Variants in UNC5D observed in about 807,000 individuals in gnomAD.
UNC5D encodes netrin receptor UNC5D.
In UNC5D, 39 loss-of-function variants were observed where a neutral mutation model predicts 105.4. The ratio of observed to expected loss-of-function variants is 0.37; its 90% CI spans 0.29 to 0.48. The LOEUF (loss-of-function observed/expected upper bound fraction) is 0.48. UNC5D is among the 20% of genes least tolerant of loss of function. The pLI, the probability that UNC5D is intolerant of heterozygous loss-of-function variation, is 0.98. For synonymous variants in UNC5D, 452 were observed against 450.4 expected (o/e 1.00, Z -0.04); for missense variants, 991 against 1,202.4 (o/e 0.82, Z 2.60).
At chr8:35,241,748 T>C (rs1177546437) in intron 1 of UNC5D, among the ~76,000 whole-genome samples, 2 of 152,088 alleles carry the variant, frequency 1.3e-5, no homozygotes, top group African/African-American at 4.8e-5. Flanking sequence ...AGTAATAACT[T>C]AATACATTAA....
chr8:35,245,735 G>A (rs1454753837), intron 1 of UNC5D, among the ~76,000 whole-genome samples: 1 of 152,066 alleles, frequency 6.6e-6, no homozygotes, highest in East Asian at 1.9e-4. Context: ...ATTCTGCAGC[G>A]GAGAAGACCA....
At chr8:35,331,327 G>A (rs1233507469) in intron 1 of UNC5D, among the ~76,000 whole-genome samples, 1 of 152,124 alleles carries the variant, frequency 6.6e-6, no homozygotes, top group Admixed American at 6.5e-5. Context: ...AGACCCCTGA[G>A]CACTGATGTC....
At chr8:35,316,246 G>A (rs1031973131) in intron 1 of UNC5D, among the ~76,000 whole-genome samples, 1 of 152,144 alleles carries the variant, frequency 6.6e-6, no homozygotes, top group African/African-American at 2.4e-5. Context: ...AATTAAAATA[G>A]TGTGGATATA....
intron 1 of UNC5D, among the ~76,000 whole-genome samples, chr8:35,271,317 G>A (rs1248924187): frequency 3.5e-5 from 4 of 115,906 alleles, no homozygotes; most frequent in Admixed American, 1.6e-4. Flanking sequence ...ACGTGTGTAT[G>A]TATATGCATA....
At chr8:35,588,440 TC>T (rs1818940760) in intron 3 of UNC5D, among the ~76,000 whole-genome samples, 1 of 152,112 alleles carries the variant, frequency 6.6e-6, no homozygotes, top group African/African-American at 2.4e-5. Context: ...CCTGTGAGAT[TC>T]TCTGCCTCAG....
intron 1 of UNC5D, among the ~76,000 whole-genome samples, chr8:35,526,470 G>A (rs1275664139): frequency 1.3e-5 from 2 of 152,198 alleles, no homozygotes; most frequent in East Asian, 3.8e-4. Context: ...CACCTGAGTT[G>A]TTGTAGTTGT....
intron 1 of UNC5D, among the ~76,000 whole-genome samples, chr8:35,528,444 C>T (rs1249401762): frequency 6.7e-6 from 1 of 148,690 alleles, no homozygotes. Context: ...TCCAGTCTAT[C>T]ATTGTTGGAC....
chr8:35,690,651 ATC>A (rs1826330005), intron 7 of UNC5D, among the ~76,000 whole-genome samples: 2 of 152,296 alleles, frequency 1.3e-5, no homozygotes, highest in South Asian at 4.1e-4. Flanking sequence ...ACACTTCACT[ATC>A]TCTTCAGGAA....
chr8:35,790,222 C>T, intron 16 of UNC5D, 137 bp from the exon 17 acceptor site: 2 of 901,394 alleles, frequency 2.2e-6, no homozygotes, highest in Non-Finnish European at 3.4e-6. Context: ...TGCCCCAGAC[C>T]TGCCTTACTA....
chr8:35,260,948 GCAGT>G (rs1457090576), intron 1 of UNC5D, among the ~76,000 whole-genome samples: 2 of 152,246 alleles, frequency 1.3e-5, no homozygotes, highest in Admixed American at 1.3e-4. Flanking sequence ...GTTGGGATTT[GCAGT>G]ATAATCTGAT....
intron 4 of UNC5D, among the ~76,000 whole-genome samples, chr8:35,649,187 T>C (rs982902612): frequency 6.6e-6 from 1 of 152,204 alleles, no homozygotes; most frequent in African/African-American, 2.4e-5. Context: ...AATTTTTCAA[T>C]ATAGAGGAAC....
At chr8:35,268,695 C>T (rs1470390929) in intron 1 of UNC5D, among the ~76,000 whole-genome samples, 1 of 151,928 alleles carries the variant, frequency 6.6e-6, no homozygotes, top group African/African-American at 2.4e-5. Context: ...TTATTTAGAA[C>T]TTATTAGACT....
At chr8:35,712,443 A>C (rs887560042) in intron 8 of UNC5D, among the ~76,000 whole-genome samples, 1 of 152,226 alleles carries the variant, frequency 6.6e-6, no homozygotes, top group African/African-American at 2.4e-5. Context: ...ATTTGAGAAA[A>C]GTAAGGAAAC....
chr8:35,546,295 C>A (rs989618387), intron 1 of UNC5D, among the ~76,000 whole-genome samples: 1 of 152,098 alleles, frequency 6.6e-6, no homozygotes, highest in Non-Finnish European at 1.5e-5. Flanking sequence ...GCAGGCTGAA[C>A]GTGCTGCTTA....
intron 4 of UNC5D, among the ~76,000 whole-genome samples, chr8:35,598,700 A>G (rs868525717): frequency 1.6e-4 from 25 of 152,240 alleles, no homozygotes; most frequent in African/African-American, 5.3e-4. Context: ...TGTGTTATGC[A>G]CACACAATGG....
chr8:35,378,436 G>T (rs546837459), intron 1 of UNC5D, among the ~76,000 whole-genome samples: 1 of 152,290 alleles, frequency 6.6e-6, no homozygotes, highest in East Asian at 1.9e-4. Context: ...GACACAAAGG[G>T]TGCTTCAAGC....
chr8:35,261,815 C>T lies in UNC5D; in HGVS notation c.103+25928C>T, dbSNP rs945663909. ...TATAACAGGGACCATTTAGAGGTTT[C>T]GTTGTGTTAGTAGGTTTGGGAAGGA... On this transcript the variant is annotated intron_variant, in intron 1 of 16. Coordinates refer to ENST00000404895, the MANE Select transcript of UNC5D (RefSeq NM_080872.4). 1.1e-4 allele frequency among the ~76,000 whole-genome samples: 17 copies of T among 152,050 alleles called. 1 individual carries two copies. In the East Asian group the frequency reaches 2.5e-3, roughly 22 times the overall value.
chr8:35,283,784 C>G (rs531500877), intron 1 of UNC5D, among the ~76,000 whole-genome samples: 1 of 133,626 alleles, frequency 7.5e-6, no homozygotes, highest in South Asian at 2.9e-4. Flanking sequence ...AACCTAGTGA[C>G]AGAGTGAGAC....
chr8:35,603,257 G>A (rs113071458), intron 4 of UNC5D, among the ~76,000 whole-genome samples: 3,214 of 150,948 alleles, frequency 0.021, 142 homozygotes, highest in African/African-American at 0.074. Flanking sequence ...CTTTGTTCTC[G>A]GTTTCAAAGA....
Sources: gnomAD v4.1 joint callset for allele counts (sites outside exome capture counted in the v4.1 genomes callset) on GRCh38, gnomAD v4.1.1 for gene constraint, MANE v1.5 for transcripts, NCBI Gene and HGNC (gene_info 2026-07-23, HGNC 2026-07-21) for gene names.